Variants in PBLD observed in about 807,000 individuals in gnomAD.
The protein encoded by PBLD is phenazine biosynthesis like protein domain containing.
A neutral mutation model predicts 31.3 loss-of-function variants in PBLD; 26 were observed. That is an observed-to-expected ratio of 0.83 (90% CI 0.61 to 1.15). The LOEUF is 1.15. Ranked by LOEUF, PBLD falls within the 50% of genes most tolerant of loss-of-function variation. The pLI, the probability that PBLD is intolerant of heterozygous loss-of-function variation, is 0.00. For synonymous variants in PBLD, 114 were observed against 129.0 expected (o/e 0.88, Z 0.79); for missense variants, 307 against 351.7 (o/e 0.87, Z 1.02).
chr10:68,332,213 C>G (rs2045163996), intron 1 of PBLD: 1 of 152,298 alleles, frequency 6.6e-6, no homozygotes, highest in African/African-American at 2.4e-5. Flanking sequence ...TATCGCCTGA[C>G]AGGGTATCTG....
chr10:68,327,588 C>T (rs2044943482), intron 1 of PBLD, among the ~76,000 whole-genome samples: 1 of 149,426 alleles, frequency 6.7e-6, no homozygotes, highest in African/African-American at 2.5e-5. Context: ...GCAGGAGAAT[C>T]GCTTGAACCC....
rs1020897701 is a variant in PBLD at position 68,311,458 on chromosome 10, C to T, written c.-59-4555G>A. Among the ~76,000 whole-genome samples, 9 of 152,028 alleles carry T rather than the reference C, an allele frequency of 5.9e-5. No homozygotes were observed. The South Asian group carries it at 6.2e-4, about 11-fold the overall frequency. Reference sequence around the variant, plus strand: ...AAAAGTAGCCAGGTGTGGTGGCGGGCGCCTGTAGTCCCAGCTACTTGGGAG... The same window carrying T: ...AAAAGTAGCCAGGTGTGGTGGCGGGTGCCTGTAGTCCCAGCTACTTGGGAG... On this transcript the variant is annotated intron_variant, in intron 1 of 9. Transcript: ENST00000358769.
chr10:68,324,539 A>G (rs1187291015), intron 1 of PBLD, among the ~76,000 whole-genome samples: 3 of 151,962 alleles, frequency 2.0e-5, no homozygotes, highest in African/African-American at 7.2e-5. Flanking sequence ...TTAAGTATTC[A>G]TCATCTCTAC....
chr10:68,314,447 T>G (rs1327847233), intron 1 of PBLD, among the ~76,000 whole-genome samples: 1 of 152,190 alleles, frequency 6.6e-6, no homozygotes, highest in Non-Finnish European at 1.5e-5. Context: ...CCCAGCTACA[T>G]GATAGCTTTG....
Position 68,283,755 on chromosome 10 carries a change from G to A in PBLD, c.*422C>T, listed in dbSNP as rs1478679166. The A allele has an allele frequency of 6.1e-6, 1 of 163,348 alleles. No homozygotes were observed. Among genetic ancestry groups the A allele is most frequent in the African/African-American group, 2.4e-5 (1 of 41,574 alleles). 10.1% of individuals were successfully genotyped at this position (163,348 alleles called of 1,614,324 possible). A position where few individuals can be genotyped will look rare whatever the true frequency, so the allele number is the denominator to read the frequency against. On this transcript the variant is annotated 3_prime_UTR_variant, in exon 10 of 10. Coordinates refer to ENST00000358769, the MANE Select transcript of PBLD (RefSeq NM_022129.4). ...TCACTTTTCAATTTTGTGTGTGTGTGTGTGTGTGTGGATGGAGTCTTACTC... is the reference window on the plus strand; with the variant it reads ...TCACTTTTCAATTTTGTGTGTGTGTATGTGTGTGTGGATGGAGTCTTACTC...
Position 68,285,414 on chromosome 10 carries a change from A to C in PBLD, c.692-4T>G. 6.3e-7 allele frequency: 1 copy of C among 1,591,540 alleles called. No individual in the cohort carries two copies. Among genetic ancestry groups the C allele is most frequent in the Non-Finnish European group, 8.5e-7 (1 of 1,172,944 alleles). On this transcript the variant is annotated splice_polypyrimidine_tract_variant and splice_region_variant and intron_variant, in intron 8 of 9. Coordinates refer to ENST00000358769, the MANE Select transcript of PBLD (RefSeq NM_022129.4). ...CTGAGAACAGCGTGTGCAGACCCTC[A>C]AAAGAAGTGAAAAGTTAGGAGACAA...
chr10:68,310,365 GTA>G (rs34887418), intron 1 of PBLD, among the ~76,000 whole-genome samples: 6,311 of 140,244 alleles, frequency 0.045, 619 homozygotes, highest in African/African-American at 0.15. Context: ...ATGTTTTGAA[GTA>G]TATATATATA....
At chr10:68,293,642 A>G (rs1841654680) in intron 4 of PBLD, among the ~76,000 whole-genome samples, 1 of 152,156 alleles carries the variant, frequency 6.6e-6, no homozygotes, top group Admixed American at 6.5e-5. Context: ...AGACTGCCCT[A>G]TGGGGGTTTC....
At chr10:68,305,025 T>C (rs1009442384) in intron 2 of PBLD, among the ~76,000 whole-genome samples, 2 of 152,194 alleles carry the variant, frequency 1.3e-5, no homozygotes, top group Non-Finnish European at 1.5e-5. Flanking sequence ...GCCACCTTAC[T>C]GCTCCACTTA....
chr10:68,297,088 A>C, intron 2 of PBLD, 103 bp from the exon 3 acceptor site: 1 of 881,416 alleles, frequency 1.1e-6, no homozygotes, highest in Non-Finnish European at 1.8e-6. Context: ...CAATAATAAG[A>C]GTTACACGCT....
intron 4 of PBLD, 83 bp downstream of exon 4, chr10:68,296,183 C>T: frequency 9.8e-7 from 1 of 1,025,216 alleles, no homozygotes; most frequent in Non-Finnish European, 1.4e-6. Context: ...TCACTTTGGA[C>T]CATCAGAAAA....
intron 2 of PBLD, among the ~76,000 whole-genome samples, chr10:68,299,350 C>T (rs1424109842): frequency 6.6e-6 from 1 of 151,742 alleles, no homozygotes; most frequent in Non-Finnish European, 1.5e-5. Flanking sequence ...TTTGTTTTGG[C>T]CAAATTTATT....
At chr10:68,289,678 C>CACACACAA in intron 6 of PBLD, among the ~76,000 whole-genome samples, 1 of 146,210 alleles carries the variant, frequency 6.8e-6, no homozygotes, top group African/African-American at 2.8e-5. Context: ...CACACACACA[C>CACACACAA]ACACACACAC....
intron 1 of PBLD, among the ~76,000 whole-genome samples, chr10:68,318,137 G>A (rs2044761683): frequency 6.6e-6 from 1 of 151,806 alleles, no homozygotes; most frequent in African/African-American, 2.4e-5. Flanking sequence ...TGAGCCAGGA[G>A]AATGGTGAGA....
At chr10:68,303,932 C>T (rs2044542400) in intron 2 of PBLD, among the ~76,000 whole-genome samples, 1 of 152,114 alleles carries the variant, frequency 6.6e-6, no homozygotes, top group African/African-American at 2.4e-5. Context: ...GTCTTTTAGT[C>T]TCTGTAGTGA....
At chr10:68,325,899 A>G (rs1171984372) in intron 1 of PBLD, among the ~76,000 whole-genome samples, 1 of 152,154 alleles carries the variant, frequency 6.6e-6, no homozygotes, top group African/African-American at 2.4e-5. Context: ...GTGCTCCCCA[A>G]ACACTCTGTG....
intron 1 of PBLD, among the ~76,000 whole-genome samples, chr10:68,315,819 G>A (rs1377885087): frequency 6.6e-6 from 1 of 152,140 alleles, no homozygotes; most frequent in African/African-American, 2.4e-5. Context: ...ATGTACAACT[G>A]AGTCCATCAG....
At chr10:68,296,452 C>T in intron 3 of PBLD, 88 bp from the exon 4 acceptor site, 1 of 993,450 alleles carries the variant, frequency 1.0e-6, no homozygotes, top group South Asian at 1.5e-5. Flanking sequence ...CTATATAGTT[C>T]TCTAGCATGA....
intron 2 of PBLD, among the ~76,000 whole-genome samples, chr10:68,299,749 A>G (rs1312880529): frequency 6.6e-6 from 1 of 152,024 alleles, no homozygotes; most frequent in Non-Finnish European, 1.5e-5. Flanking sequence ...CCAGCTACTC[A>G]GGAGGTTGAG....
Sources: gnomAD v4.1 joint callset for allele counts (sites outside exome capture counted in the v4.1 genomes callset) on GRCh38, gnomAD v4.1.1 for gene constraint, MANE v1.5 for transcripts, NCBI Gene and HGNC (gene_info 2026-07-23, HGNC 2026-07-21) for gene names.